Variants in NIFK observed in about 807,000 individuals in gnomAD.
The protein encoded by NIFK is nucleolar protein interacting with the FHA domain of MKI67.
Under a neutral mutation model 31.7 loss-of-function variants are expected in NIFK, and 16 were observed. The ratio of observed to expected loss-of-function variants is 0.50; its 90% CI spans 0.34 to 0.77. NIFK has a LOEUF of 0.77. Among genes scored for constraint, NIFK ranks in the 30% least tolerant of loss-of-function variants. NIFK has a pLI of 0.01. For missense variants in NIFK, 341 were observed against 350.4 expected, an observed-to-expected ratio of 0.97 and a Z score of 0.21; for synonymous variants, 126 against 123.0, an observed-to-expected ratio of 1.02 and a Z score of -0.16.
rs997279328 is a variant in NIFK at position 121,727,095 on chromosome 2, C to T, written c.*629G>A. 6.1e-6 allele frequency: 1 copy of T among 165,246 alleles called. No individual in the cohort carries two copies. Among genetic ancestry groups the T allele is most frequent in the Non-Finnish European group, 1.3e-5 (1 of 76,210 alleles). 10.2% of individuals were successfully genotyped at this position (165,246 alleles called of 1,614,324 possible). The stretch of plus-strand genomic sequence containing the variant: ...TGGTTATTGTTTGAATCTTGAAATA[C>T]AATTCTTCACTGATGATACTGGTAT... On this transcript the variant is annotated 3_prime_UTR_variant, in exon 7 of 7. Transcript: ENST00000285814.
intron 1 of NIFK, among the ~76,000 whole-genome samples, chr2:121,736,013 T>C (rs1343374996): frequency 6.6e-6 from 1 of 152,174 alleles, no homozygotes; most frequent in African/African-American, 2.4e-5. Context: ...AAGGACATCT[T>C]TGAACAAGCC....
chr2:121,727,937 A>G (rs1160375638), intron 6 of NIFK, 25 bp from the exon 7 acceptor site: 2 of 1,558,972 alleles, frequency 1.3e-6, no homozygotes, highest in Non-Finnish European at 1.7e-6. Flanking sequence ...TAAAGATTAT[A>G]ATACATAAAT....
chr2:121,731,964 G>A, intron 3 of NIFK, 132 bp downstream of exon 3: 1 of 632,682 alleles, frequency 1.6e-6, no homozygotes, highest in South Asian at 1.9e-5. Flanking sequence ...TGAAATCCTT[G>A]CACCATTCTG....
Position 121,727,580 on chromosome 2 carries a change from C to A in NIFK, c.*144G>T. On this transcript the variant is annotated 3_prime_UTR_variant, in exon 7 of 7. Coordinates refer to ENST00000285814, the MANE Select transcript of NIFK (RefSeq NM_032390.5). ...CAAGGGCAGGCAATCCAAAATTACA[C>A]ACTGCTTTCCTTAACTTGACCAAAC... 2.6e-6 allele frequency: 2 copies of A among 781,448 alleles called. No homozygotes were observed. 48.4% of individuals were successfully genotyped at this position (781,448 alleles called of 1,614,324 possible).
intron 2 of NIFK, among the ~76,000 whole-genome samples, chr2:121,733,501 T>G: frequency 1.4e-5 from 2 of 144,294 alleles, no homozygotes; most frequent in Non-Finnish European, 1.5e-5. Context: ...GGCAACAGAG[T>G]GAGACTCCAT....
At chr2:121,733,382 G>A (rs534628486) in intron 2 of NIFK, among the ~76,000 whole-genome samples, 2 of 151,936 alleles carry the variant, frequency 1.3e-5, no homozygotes, top group East Asian at 1.9e-4. Context: ...GGGTGTGGTG[G>A]TGCACGCCTA....
intron 2 of NIFK, 144 bp downstream of exon 2, chr2:121,735,469 C>A: frequency 1.2e-6 from 1 of 817,434 alleles, no homozygotes; most frequent in Non-Finnish European, 1.9e-6. Context: ...GCTCCTGTAG[C>A]TGTTTCAGAT....
intron 2 of NIFK, among the ~76,000 whole-genome samples, chr2:121,732,699 G>A (rs1241066606): frequency 6.6e-6 from 1 of 152,100 alleles, no homozygotes; most frequent in African/African-American, 2.4e-5. Flanking sequence ...AAAGAGAGGG[G>A]AAGGCCAGGC....
At chr2:121,734,696 C>T (rs1015725499) in intron 2 of NIFK, among the ~76,000 whole-genome samples, 4 of 151,926 alleles carry the variant, frequency 2.6e-5, no homozygotes, top group Middle Eastern at 3.2e-3. Context: ...GGGAAGGTGA[C>T]GCAAGGAGAA....
intron 2 of NIFK, among the ~76,000 whole-genome samples, chr2:121,733,730 T>C (rs757847970): frequency 9.2e-5 from 14 of 151,812 alleles, no homozygotes; most frequent in African/African-American, 2.7e-4. Flanking sequence ...TAGAATGAAA[T>C]AGAAAATCAG....
In NIFK at chr2:121,736,728, G is replaced by A. The variant is rs746838108; in HGVS notation, c.105+18C>T. On this transcript the variant is annotated intron_variant, in intron 1 of 6. Coordinates refer to ENST00000285814, the MANE Select transcript of NIFK (RefSeq NM_032390.5). ...TCCATCGCCCCCGCTCGCAGCCTGG[G>A]CCAGGGTGCCTGCTCACCTGGGTTA... 6.9e-6 allele frequency: 11 copies of A among 1,601,702 alleles called. No individual in the cohort carries two copies. The Middle Eastern group carries it at 6.6e-4, about 97-fold the overall frequency.
chr2:121,729,778 T>C (rs1298077950), intron 4 of NIFK, among the ~76,000 whole-genome samples: 1 of 152,210 alleles, frequency 6.6e-6, no homozygotes, highest in Non-Finnish European at 1.5e-5. Flanking sequence ...AATAGTGGGT[T>C]TACTTCAGTA....
rs1406292857 is a variant in NIFK at position 121,727,675 on chromosome 2, C to G, written c.*49G>C. On this transcript the variant is annotated 3_prime_UTR_variant, in exon 7 of 7. Coordinates refer to ENST00000285814, the MANE Select transcript of NIFK (RefSeq NM_032390.5). ...TGTACCTAGTGAAATACAAAGTCCA[C>G]TCTCATAAAAATATTATATTTTTCA... 1.4e-6 allele frequency: 2 copies of G among 1,384,312 alleles called. No homozygotes were observed. The highest frequency in any genetic ancestry group is 4.8e-5 in the East Asian group (2 of 41,324). The allele number at this position is 1,384,312 out of a possible 1,614,324, so 85.8% of individuals were successfully genotyped here. A position where few individuals can be genotyped will look rare whatever the true frequency, so the allele number is the denominator to read the frequency against.
rs750413051 is a variant in NIFK, at chr2:121,727,800, C to T, written c.806G>A (p.Cys269Tyr). ...AGTCTCTTGTATTTCTTCTTTTACACAGGATATGGGCTGTTTGAAAACTAT... is the reference window on the plus strand; with the variant it reads ...AGTCTCTTGTATTTCTTCTTTTACATAGGATATGGGCTGTTTGAAAACTAT... ...DEIVFKQPIS[C>Y]VKEEIQETQT... The change falls in exon 7 of 7, where the codon TGT becomes TAT. Residue 269 changes from cysteine to tyrosine, a missense_variant. Physicochemically the swap from Cys to Tyr is radical, Grantham distance 194. Transcript: ENST00000285814. 1.6e-5 allele frequency: 25 copies of T among 1,610,018 alleles called. No individual in the cohort carries two copies. The highest frequency in any genetic ancestry group is 2.0e-5 in the Non-Finnish European group (24 of 1,179,256).
chr2:121,731,133 G>T, intron 3 of NIFK, 29 bp from the exon 4 acceptor site: 1 of 1,292,158 alleles, frequency 7.7e-7, no homozygotes, highest in Non-Finnish European at 1.1e-6. Context: ...AAACATAAAG[G>T]TATTTTAATG....
Position 121,728,308 on chromosome 2 carries a change from C to T in NIFK, c.673G>A (p.Glu225Lys), listed in dbSNP as rs1559904337. The T allele has an allele frequency of 6.2e-7, 1 of 1,606,394 alleles. No individual in the cohort carries two copies. The highest frequency in any genetic ancestry group is 1.1e-5 in the South Asian group (1 of 89,768). Residue 225 changes from glutamate (E) to lysine (K), a missense_variant, in exon 6 of 7, where the codon GAG (glutamate) becomes AAG (lysine). Glu to Lys is a moderately conservative substitution (Grantham distance 56). Transcript: ENST00000285814. ...KKVSGTLDTPEKTVDSQGPTP... is the reference protein window; with the variant it reads ...KKVSGTLDTPKKTVDSQGPTP... Reference sequence around the variant, plus strand: ...TTTACCTGGCTATCCACAGTCTTCTCAGGAGTGTCAAGAGTACCTGAAACT... The same window carrying T: ...TTTACCTGGCTATCCACAGTCTTCTTAGGAGTGTCAAGAGTACCTGAAACT...
intron 3 of NIFK, 49 bp from the exon 4 acceptor site, chr2:121,731,153 G>T (rs967655700): frequency 2.7e-6 from 3 of 1,100,052 alleles, no homozygotes; most frequent in Non-Finnish European, 2.7e-6. Flanking sequence ...GTTAACTTTA[G>T]AATCTCCGCA....
intron 2 of NIFK, among the ~76,000 whole-genome samples, chr2:121,732,754 G>T (rs549211144): frequency 2.0e-5 from 3 of 151,794 alleles, no homozygotes; most frequent in Non-Finnish European, 4.4e-5. Flanking sequence ...GAGGCCGAGG[G>T]TGGATCATCT....
At chr2:121,730,123 A>T (rs987688101) in intron 4 of NIFK, among the ~76,000 whole-genome samples, 3 of 152,226 alleles carry the variant, frequency 2.0e-5, no homozygotes, top group Admixed American at 2.0e-4. Flanking sequence ...GTGAGGCAGG[A>T]GAATTGCTTG....
Sources: gnomAD v4.1 joint callset for allele counts (sites outside exome capture counted in the v4.1 genomes callset) on GRCh38, gnomAD v4.1.1 for gene constraint, MANE v1.5 for transcripts, NCBI Gene and HGNC (gene_info 2026-07-23, HGNC 2026-07-21) for gene names.